HS3ST5: variants seen among roughly 807,000 people sequenced by gnomAD.
HS3ST5 encodes heparan sulfate-glucosamine 3-sulfotransferase 5.
A neutral mutation model predicts 25.4 loss-of-function variants in HS3ST5; 10 were observed. That is an observed-to-expected ratio of 0.39 (90% CI 0.24 to 0.67). The LOEUF (loss-of-function observed/expected upper bound fraction) is 0.67, where lower values mean the gene tolerates loss of function less well. HS3ST5 is among the 30% of genes least tolerant of loss of function. HS3ST5 has a pLI of 0.44. For synonymous variants in HS3ST5, 170 were observed against 162.4 expected (o/e 1.05, Z -0.36); for missense variants, 324 against 420.7 (o/e 0.77, Z 2.01).
chr6:114,220,008 A>G (rs1463183233), intron 2 of HS3ST5, among the ~76,000 whole-genome samples: 1 of 152,074 alleles, frequency 6.6e-6, no homozygotes, highest in Non-Finnish European at 1.5e-5. Context: ...TTCTTCCATA[A>G]TCATTCTTTA....
chr6:114,133,159 C>T (rs1345337456), intron 3 of HS3ST5, among the ~76,000 whole-genome samples: 2 of 152,116 alleles, frequency 1.3e-5, no homozygotes, highest in East Asian at 1.9e-4. Context: ...CTCATCATTC[C>T]CATCTTGTCT....
intron 3 of HS3ST5, among the ~76,000 whole-genome samples, chr6:114,156,362 C>T (rs1460744972): frequency 4.6e-5 from 7 of 152,278 alleles, no homozygotes; most frequent in South Asian, 2.1e-4. Context: ...TTCTAAAGAA[C>T]GTTTGCATGA....
chr6:114,301,328 G>C (rs1316335236), intron 1 of HS3ST5, among the ~76,000 whole-genome samples: 1 of 152,120 alleles, frequency 6.6e-6, no homozygotes, highest in Non-Finnish European at 1.5e-5. Context: ...GTCATTCATA[G>C]GACACACTAG....
At chr6:114,060,921 A>T (rs764385415) in intron 4 of HS3ST5, among the ~76,000 whole-genome samples, 7 of 152,066 alleles carry the variant, frequency 4.6e-5, no homozygotes, top group Non-Finnish European at 8.8e-5. Context: ...AGACTGAAAA[A>T]TCATACAGGT....
At chr6:114,162,636 G>A (rs909305781) in intron 3 of HS3ST5, among the ~76,000 whole-genome samples, 1 of 152,170 alleles carries the variant, frequency 6.6e-6, no homozygotes, top group African/African-American at 2.4e-5. Context: ...CAAAGCCTTT[G>A]GCTGTCTGGC....
intron 3 of HS3ST5, among the ~76,000 whole-genome samples, chr6:114,149,276 GCA>G (rs1262723020): frequency 6.6e-6 from 1 of 152,116 alleles, no homozygotes; most frequent in Non-Finnish European, 1.5e-5. Context: ...AAAGACACAT[GCA>G]CACACATGTT....
intron 1 of HS3ST5, among the ~76,000 whole-genome samples, chr6:114,232,480 C>G (rs137984802): frequency 6.6e-6 from 1 of 152,264 alleles, no homozygotes; most frequent in Admixed American, 6.5e-5. Flanking sequence ...CATAAGCCAC[C>G]ATGCTTGACC....
At chr6:114,095,006 A>G (rs763315015) in intron 3 of HS3ST5, among the ~76,000 whole-genome samples, 3 of 152,194 alleles carry the variant, frequency 2.0e-5, no homozygotes, top group Non-Finnish European at 4.4e-5. Context: ...TAGTCTCCAG[A>G]TGAGAACCAA....
intron 1 of HS3ST5, chr6:114,235,752 C>T (rs185627311): frequency 2.0e-5 from 3 of 152,324 alleles, no homozygotes; most frequent in African/African-American, 7.2e-5. Flanking sequence ...CCATGTTGAT[C>T]AGGATCCTAC....
chr6:114,062,131 C>T (rs563469929), intron 4 of HS3ST5, among the ~76,000 whole-genome samples: 1 of 152,176 alleles, frequency 6.6e-6, no homozygotes, highest in African/African-American at 2.4e-5. Flanking sequence ...AGAGCTAAAC[C>T]CTAGCACTGT....
At chr6:114,195,632 C>A (rs566290035) in intron 2 of HS3ST5, among the ~76,000 whole-genome samples, 1 of 152,172 alleles carries the variant, frequency 6.6e-6, no homozygotes, top group Admixed American at 6.5e-5. Context: ...TGGGGCAGAA[C>A]TGATAATATC....
rs113979665 is a variant in HS3ST5, at chr6:114,183,105, T to C, written c.-144-14643A>G. Among the ~76,000 whole-genome samples the C allele has an allele frequency of 2.0e-3, 298 of 152,228 alleles. 6 individuals carry two copies. Among genetic ancestry groups the C allele is most frequent in the East Asian group, 0.014 (73 of 5,178 alleles). On this transcript the variant is annotated intron_variant, in intron 2 of 4. Coordinates refer to ENST00000312719, the MANE Select transcript of HS3ST5 (RefSeq NM_153612.4). ...GCTTTCCTGGGTCTGTGGTTGCAAA[T>C]GGCAGATCATGGGACTTCTCAACCT...
At chr6:114,066,762 T>C (rs1283108027) in intron 3 of HS3ST5, among the ~76,000 whole-genome samples, 1 of 152,264 alleles carries the variant, frequency 6.6e-6, no homozygotes, top group Non-Finnish European at 1.5e-5. Context: ...TAATTTCTTC[T>C]TGCTTTGTGC....
At chr6:114,196,417 C>T (rs1207179141) in intron 2 of HS3ST5, among the ~76,000 whole-genome samples, 1 of 152,074 alleles carries the variant, frequency 6.6e-6, no homozygotes, top group Admixed American at 6.6e-5. Flanking sequence ...CCCGTCCTTC[C>T]GCTGAGTGGG....
intron 3 of HS3ST5, among the ~76,000 whole-genome samples, chr6:114,136,685 A>T (rs973254037): frequency 6.6e-6 from 1 of 152,206 alleles, no homozygotes; most frequent in Non-Finnish European, 1.5e-5. Context: ...TATTTTTGGC[A>T]TAGACTCACT....
chr6:114,080,851 T>C (rs548936191), intron 3 of HS3ST5, among the ~76,000 whole-genome samples: 14 of 151,860 alleles, frequency 9.2e-5, no homozygotes, highest in African/African-American at 3.1e-4. Flanking sequence ...ACCTGGGTGA[T>C]GGTACCATTT....
intron 3 of HS3ST5, among the ~76,000 whole-genome samples, chr6:114,140,392 G>A (rs373212480): frequency 7.4e-4 from 112 of 152,092 alleles, no homozygotes; most frequent in African/African-American, 2.4e-3. Context: ...TTATTTAAAC[G>A]GTGTATTAAA....
At chr6:114,232,548 C>T (rs1386721217) in intron 1 of HS3ST5, among the ~76,000 whole-genome samples, 1 of 152,108 alleles carries the variant, frequency 6.6e-6, no homozygotes, top group East Asian at 1.9e-4. Context: ...TGAAGACTCT[C>T]CAAACTGAAT....
At chr6:114,161,521 T>TCA (rs1778947740) in intron 3 of HS3ST5, among the ~76,000 whole-genome samples, 2 of 33,540 alleles carry the variant, frequency 6.0e-5, no homozygotes, top group South Asian at 3.2e-3. Context: ...TCCTGAAGTT[T>TCA]TATATATATA....
Sources: gnomAD v4.1 joint callset for allele counts (sites outside exome capture counted in the v4.1 genomes callset) on GRCh38, gnomAD v4.1.1 for gene constraint, MANE v1.5 for transcripts, NCBI Gene and HGNC (gene_info 2026-07-23, HGNC 2026-07-21) for gene names.